The following COMT variants were observed in gnomAD, a reference collection of about 807,000 sequenced individuals.
COMT encodes catechol O-methyltransferase.
In COMT, 13 loss-of-function variants were observed where a neutral mutation model predicts 18.9. That is an observed-to-expected ratio of 0.69 (90% CI 0.45 to 1.09). The LOEUF (loss-of-function observed/expected upper bound fraction) is 1.09. COMT is among the 50% of genes least tolerant of loss of function. The pLI is 0.00. For synonymous variants in COMT, 150 were observed against 160.9 expected, an observed-to-expected ratio of 0.93 and a Z score of 0.51; for missense variants, 329 against 361.8, an observed-to-expected ratio of 0.91 and a Z score of 0.73.
rs535581609 is a variant in COMT at position 19,941,872 on chromosome 22, G to C, written c.-117G>C. Reference sequence around the variant, plus strand: ...CCTGCGCCGGACCGGGGCGGGTCCAGTCCCGGGCGGGCCGTCGCGGGAGAG... The same window carrying C: ...CCTGCGCCGGACCGGGGCGGGTCCACTCCCGGGCGGGCCGTCGCGGGAGAG... On this transcript the variant is annotated 5_prime_UTR_variant, in exon 1 of 6. Coordinates refer to ENST00000361682, the MANE Select transcript of COMT (RefSeq NM_000754.4). 4.8e-4 allele frequency: 665 copies of C among 1,399,964 alleles called. 2 individuals are homozygous for C. In the Middle Eastern group the frequency reaches 9.9e-3, roughly 21 times the overall value. 86.7% of individuals were successfully genotyped at this position (1,399,964 alleles called of 1,614,324 possible).
intron 1 of COMT, among the ~76,000 whole-genome samples, chr22:19,949,702 A>G (rs1350507101): frequency 6.6e-6 from 1 of 152,022 alleles, no homozygotes; most frequent in Admixed American, 6.6e-5. Context: ...GGCTCAAGTA[A>G]TTCTCCAACC....
chr22:19,945,130 G>C (rs1175145731), intron 1 of COMT, among the ~76,000 whole-genome samples: 1 of 152,178 alleles, frequency 6.6e-6, no homozygotes, highest in Non-Finnish European at 1.5e-5. Context: ...GCCTTTCGAG[G>C]TTAGGAAGCC....
chr22:19,964,340 C>T, intron 5 of COMT, 41 bp downstream of exon 5: 1 of 1,613,518 alleles, frequency 6.2e-7, no homozygotes, highest in Non-Finnish European at 8.5e-7. Flanking sequence ...AGCTGCTGCC[C>T]AGAGCCCATT....
Position 19,968,721 on chromosome 22 carries a change from C to T in COMT, c.801C>T (p.Ser267=), listed in dbSNP as rs762482920. Residue 267 remains serine, a synonymous_variant, in exon 6 of 6, where the codon AGC becomes AGT. Transcript: ENST00000361682. ...AGGCCATCTACAAGGGCCCAGGCAGCGAAGCAGGGCCCTGACTGCCCCCCC... is the reference window on the plus strand; with the variant it reads ...AGGCCATCTACAAGGGCCCAGGCAGTGAAGCAGGGCCCTGACTGCCCCCCC... ...LEKAIYKGPG[S]EAGP is the part of the protein sequence containing the mutation. 8.7e-6 allele frequency: 14 copies of T among 1,604,694 alleles called. No homozygotes were observed. The highest frequency in any genetic ancestry group is 4.4e-5 in the South Asian group (4 of 90,604).
intron 3 of COMT, 70 bp from the exon 4 acceptor site, chr22:19,963,496 C>A (rs1942251460): frequency 1.3e-6 from 2 of 1,555,836 alleles, no homozygotes; most frequent in African/African-American, 2.7e-5. Context: ...GGTGGGGGGC[C>A]GTGCCTGGGG....
chr22:19,962,186 A>C, intron 2 of COMT: 1 of 371,040 alleles, frequency 2.7e-6, no homozygotes, highest in Non-Finnish European at 5.1e-6. Flanking sequence ...CAGCTGGGAG[A>C]CAACAGCCTG....
chr22:19,949,479 A>G (rs1174598843), intron 1 of COMT, among the ~76,000 whole-genome samples: 8 of 152,184 alleles, frequency 5.3e-5, no homozygotes, highest in Non-Finnish European at 5.9e-5. Flanking sequence ...CATACTTTTC[A>G]TATAAAAACA....
chr22:19,946,572 A>T (rs1270687619), intron 1 of COMT, among the ~76,000 whole-genome samples: 3 of 152,204 alleles, frequency 2.0e-5, no homozygotes, highest in Admixed American at 6.5e-5. Flanking sequence ...TTTGTTGAAG[A>T]TGAAGCACTT....
At position 19,952,958 on chromosome 22, in the gene COMT, AAAT is replaced by A. The variant is rs1941978946; in HGVS notation, c.-91-8238_-91-8236del. Reference sequence around the variant, plus strand: ...AGAGTGACAGCCCGTCTCAAAAAATAAATAAATAAATAAATAAATAAATAAATA... The same window carrying A: ...AGAGTGACAGCCCGTCTCAAAAAATAAAATAAATAAATAAATAAATAAATA... On this transcript the variant is annotated intron_variant, in intron 1 of 5. Transcript: ENST00000361682. Among the ~76,000 whole-genome samples, 4 of 946 alleles carry A rather than the reference AAAT, an allele frequency of 4.2e-3. No homozygotes were observed. In the South Asian group the frequency reaches 0.12, roughly 30 times the overall value. 0.6% of individuals were successfully genotyped at this position (946 alleles called of 152,430 possible).
chr22:19,961,849 C>T (rs897208141), intron 2 of COMT: 7 of 152,758 alleles, frequency 4.6e-5, no homozygotes, highest in African/African-American at 1.7e-4. Context: ...CAAGTGGGGT[C>T]ACTTGCCATC....
intron 1 of COMT, among the ~76,000 whole-genome samples, chr22:19,958,977 C>A (rs1167149190): frequency 6.6e-6 from 1 of 152,188 alleles, no homozygotes; most frequent in African/African-American, 2.4e-5. Context: ...CCCACCGCCC[C>A]CCACCACAGG....
chr22:19,962,916 G>T (rs1942233080), intron 3 of COMT, 101 bp downstream of exon 3: 7 of 1,424,842 alleles, frequency 4.9e-6, no homozygotes, highest in Non-Finnish European at 5.7e-6. Context: ...TTTCCAGGGG[G>T]CTGGGAACCC....
At chr22:19,949,987 A>C (rs973352868) in intron 1 of COMT, among the ~76,000 whole-genome samples, 1 of 152,198 alleles carries the variant, frequency 6.6e-6, no homozygotes, top group African/African-American at 2.4e-5. Flanking sequence ...AAGTACAAAA[A>C]GTTACGCTTA....
intron 1 of COMT, among the ~76,000 whole-genome samples, chr22:19,959,092 G>A (rs532354880): frequency 1.3e-5 from 2 of 152,086 alleles, no homozygotes; most frequent in Non-Finnish European, 2.9e-5. Flanking sequence ...AGGGGGTCCC[G>A]AGTCGGACAC....
At chr22:19,950,770 A>C (rs1231087705) in intron 1 of COMT, among the ~76,000 whole-genome samples, 1 of 152,156 alleles carries the variant, frequency 6.6e-6, no homozygotes, top group Non-Finnish European at 1.5e-5. Flanking sequence ...TAGTTTGGGG[A>C]GATCTCAAGT....
Position 19,963,703 on chromosome 22 carries a change from C to T in COMT, c.427C>T (p.Pro143Ser). 6.2e-7 allele frequency: 1 copy of T among 1,612,944 alleles called. No homozygotes were observed. ...GAGGCTCATCACCATCGAGATCAACCCCGACTGTGCCGCCATCACCCAGCG... is the reference window on the plus strand; with the variant it reads ...GAGGCTCATCACCATCGAGATCAACTCCGACTGTGCCGCCATCACCCAGCG... Reference protein sequence around the residue: ...GARLITIEINPDCAAITQRMV... With the variant: ...GARLITIEINSDCAAITQRMV... The change falls in exon 4 of 6, where the codon CCC becomes TCC. Residue 143 changes from proline to serine, a missense_variant. Physicochemically the swap from Pro to Ser is moderately conservative, Grantham distance 74 (BLOSUM62 -1). Transcript: ENST00000361682.
intron 1 of COMT, among the ~76,000 whole-genome samples, chr22:19,942,930 A>G (rs9332318): frequency 0.011 from 1,698 of 152,184 alleles, 21 homozygotes; most frequent in African/African-American, 0.038. Context: ...CAGGCCCCCA[A>G]CCTCCCACAG....
chr22:19,945,591 A>G (rs1569124068), intron 1 of COMT, among the ~76,000 whole-genome samples: 2 of 152,184 alleles, frequency 1.3e-5, no homozygotes, highest in East Asian at 3.8e-4. Context: ...TAATTGCTTC[A>G]ATTTTGTTTA....
intron 1 of COMT, among the ~76,000 whole-genome samples, chr22:19,942,470 G>A (rs1941753443): frequency 6.6e-6 from 1 of 152,170 alleles, no homozygotes; most frequent in African/African-American, 2.4e-5. Flanking sequence ...ACCAGGAAGG[G>A]GCCCAGGACT....
Sources: gnomAD v4.1 joint callset for allele counts (sites outside exome capture counted in the v4.1 genomes callset) on GRCh38, gnomAD v4.1.1 for gene constraint, MANE v1.5 for transcripts, NCBI Gene and HGNC (gene_info 2026-07-23, HGNC 2026-07-21) for gene names.